Variants in EYA3 observed in about 807,000 individuals in gnomAD.
EYA3 encodes EYA transcriptional coactivator and phosphatase 3.
In EYA3, 39 loss-of-function variants were observed where a neutral mutation model predicts 80.0. The ratio of observed to expected loss-of-function variants is 0.49; its 90% CI spans 0.38 to 0.64. EYA3 has a LOEUF of 0.64. Among genes scored for constraint, EYA3 ranks in the 30% least tolerant of loss-of-function variants. The probability of loss-of-function intolerance (pLI) is 0.00; values close to 1 mark genes in which losing one functional copy is unlikely to be tolerated. For synonymous variants in EYA3, 206 were observed against 232.8 expected (o/e 0.88, Z 1.05); for missense variants, 523 against 676.1 (o/e 0.77, Z 2.51).
chr1:28,087,662 G>A (rs1645710011), intron 1 of EYA3, among the ~76,000 whole-genome samples: 1 of 152,120 alleles, frequency 6.6e-6, no homozygotes, highest in Non-Finnish European at 1.5e-5. Flanking sequence ...AGAGCTGAAC[G>A]TCCCAAAATA....
chr1:27,994,822 A>G (rs1212037318), intron 13 of EYA3, among the ~76,000 whole-genome samples: 1 of 151,894 alleles, frequency 6.6e-6, no homozygotes, highest in Non-Finnish European at 1.5e-5. Flanking sequence ...TTTTTTAATT[A>G]GTCAGGTATG....
rs576180617 is a variant in EYA3, at chr1:28,048,239, T to A, written c.77+144A>T. ...AAACTATTTGGAAAGGAAATTTTAA[T>A]CTTAAACCAAATAATTTCAAAATGT... is the stretch of plus-strand genomic sequence containing the variant. On this transcript the variant is annotated intron_variant, in intron 3 of 17. Coordinates refer to ENST00000373871, the MANE Select transcript of EYA3 (RefSeq NM_001990.4). The A allele has an allele frequency of 2.4e-5, 14 of 588,738 alleles. No individual in the cohort carries two copies. The East Asian group carries it at 3.7e-4, about 15-fold the overall frequency. 36.5% of individuals were successfully genotyped at this position (588,738 alleles called of 1,614,324 possible).
Position 27,988,771 on chromosome 1 carries a change from G to A in EYA3, c.1419-115C>T, listed in dbSNP as rs558018841. The stretch of plus-strand genomic sequence containing the variant: ...ATTAAAAATTAACTTTAAAGGACCT[G>A]GTATTATACTGTTCAGAGCCAATGT... On this transcript the variant is annotated intron_variant, in intron 15 of 17. Transcript: ENST00000373871. The A allele has an allele frequency of 5.2e-6, 6 of 1,158,584 alleles. No homozygotes were observed. The Admixed American group carries it at 1.3e-4, about 25-fold the overall frequency. The allele number at this position is 1,158,584 out of a possible 1,614,324, so 71.8% of individuals were successfully genotyped here. A position where few individuals can be genotyped will look rare whatever the true frequency, so the allele number is the denominator to read the frequency against.
intron 1 of EYA3, among the ~76,000 whole-genome samples, chr1:28,061,450 C>G (rs1326438299): frequency 1.3e-5 from 2 of 152,110 alleles, no homozygotes; most frequent in Non-Finnish European, 2.9e-5. Context: ...GCTATACAAT[C>G]AAAAGTCATA....
chr1:28,075,398 T>C (rs1226995371), intron 1 of EYA3, among the ~76,000 whole-genome samples: 1 of 152,236 alleles, frequency 6.6e-6, no homozygotes. Context: ...CAATAAACAC[T>C]GCAAGGGGAA....
intron 11 of EYA3, among the ~76,000 whole-genome samples, chr1:28,000,947 C>T (rs937145941): frequency 1.3e-5 from 2 of 152,028 alleles, no homozygotes; most frequent in African/African-American, 4.8e-5. Flanking sequence ...CACCTGCAGT[C>T]CCAGGTACTT....
At chr1:27,978,593 A>C (rs1639099807) in intron 16 of EYA3, 119 bp from the exon 17 acceptor site, 1 of 727,538 alleles carries the variant, frequency 1.4e-6, no homozygotes, top group East Asian at 2.6e-5. Context: ...CAGCCCATGT[A>C]GTTTGCTTGC....
chr1:28,038,857 G>T lies in EYA3; in HGVS notation c.206C>A (p.Ser69Ter). The stretch of plus-strand genomic sequence containing the variant: ...AACTTACTTTGCAGAATACATTTGT[G>T]AGGTATAATCATTGGATGAGCGAGG... ...YIPRSSNDYT[S>*]QMYSAKPYAH... The change falls in exon 5 of 18, where the codon TCA becomes TAA. Residue 69 changes from serine (S) to a stop codon, truncating the protein, a stop_gained. Transcript: ENST00000373871. LOFTEE classifies it high-confidence loss of function. 2 of 1,590,970 alleles carry T rather than the reference G, an allele frequency of 1.3e-6. No homozygotes were observed. Among genetic ancestry groups the T allele is most frequent in the Non-Finnish European group, 1.7e-6 (2 of 1,165,396 alleles).
chr1:27,988,703 T>G, intron 15 of EYA3, 47 bp from the exon 16 acceptor site: 1 of 1,598,328 alleles, frequency 6.3e-7, no homozygotes. Flanking sequence ...TAAACCAACC[T>G]GGGAGCAAGA....
intron 7 of EYA3, among the ~76,000 whole-genome samples, chr1:28,023,084 G>T (rs1375336810): frequency 1.2e-3 from 1 of 848 alleles, no homozygotes; most frequent in Non-Finnish European, 0.045. Flanking sequence ...GTGCTGGGTG[G>T]GGGGGGGGGG....
Position 27,988,526 on chromosome 1 carries a change from A to G in EYA3, c.1540+9T>C, listed in dbSNP as rs554848951. On this transcript the variant is annotated intron_variant, in intron 16 of 17. Coordinates refer to ENST00000373871, the MANE Select transcript of EYA3 (RefSeq NM_001990.4). ...AGGCCAGTGACAAGAAACAGCATAG[A>G]AACCATACCAATTTTGGTAGCACTA... The G allele has an allele frequency of 1.2e-6, 2 of 1,612,200 alleles. No individual in the cohort carries two copies. Among genetic ancestry groups the G allele is most frequent in the Middle Eastern group, 1.7e-4 (1 of 6,020 alleles).
chr1:28,075,255 T>C (rs1382809454), intron 1 of EYA3, among the ~76,000 whole-genome samples: 1 of 152,220 alleles, frequency 6.6e-6, no homozygotes, highest in African/African-American at 2.4e-5. Flanking sequence ...GCTTCTTAAA[T>C]TTCCTTATGA....
intron 2 of EYA3, among the ~76,000 whole-genome samples, chr1:28,052,982 C>T (rs1644309577): frequency 6.6e-6 from 1 of 151,072 alleles, no homozygotes; most frequent in Admixed American, 6.6e-5. Context: ...AGTAAGACCC[C>T]ATCTCGACAA....
chr1:28,077,104 CTTTTTT>C (rs377204823), intron 1 of EYA3, among the ~76,000 whole-genome samples: 1 of 114,084 alleles, frequency 8.8e-6, no homozygotes, highest in East Asian at 2.5e-4. Flanking sequence ...ACAAAACAAT[CTTTTTT>C]TTTTTTTTTT....
intron 14 of EYA3, among the ~76,000 whole-genome samples, chr1:27,992,234 C>A (rs975597881): frequency 6.6e-6 from 1 of 151,828 alleles, no homozygotes; most frequent in South Asian, 2.1e-4. Flanking sequence ...GCACCAGGGA[C>A]CAGTTTCGTA....
At chr1:28,035,758 C>G in intron 5 of EYA3, 78 bp from the exon 6 acceptor site, 2 of 1,350,980 alleles carry the variant, frequency 1.5e-6, no homozygotes, top group Non-Finnish European at 2.1e-6. Flanking sequence ...GCTACCACCA[C>G]TAACAGCAAA....
intron 1 of EYA3, among the ~76,000 whole-genome samples, chr1:28,060,505 T>C (rs1644581539): frequency 6.6e-6 from 1 of 152,202 alleles, no homozygotes; most frequent in Non-Finnish European, 1.5e-5. Context: ...AATATTAAAT[T>C]GATTTTATAA....
intron 17 of EYA3, among the ~76,000 whole-genome samples, chr1:27,976,081 T>C (rs867019970): frequency 6.6e-6 from 1 of 152,214 alleles, no homozygotes; most frequent in African/African-American, 2.4e-5. Flanking sequence ...TATACCCTAG[T>C]TGTTTTTCAA....
rs1440105933 is a variant in EYA3, at chr1:27,970,839, C to T, written c.*3627G>A. ...GAGGAGTAAGGAGTCAGAGGAAGACCCTAAGCTCACCATTCCTTGGCCCAG... is the reference window on the plus strand; with the variant it reads ...GAGGAGTAAGGAGTCAGAGGAAGACTCTAAGCTCACCATTCCTTGGCCCAG... On this transcript the variant is annotated 3_prime_UTR_variant, in exon 18 of 18. Transcript: ENST00000373871. 2.6e-5 allele frequency: 4 copies of T among 152,180 alleles called. No individual in the cohort carries two copies. Among genetic ancestry groups the T allele is most frequent in the African/African-American group, 9.7e-5 (4 of 41,432 alleles). The allele number at this position is 152,180 out of a possible 1,614,324, so 9.4% of individuals were successfully genotyped here.
Sources: gnomAD v4.1 joint callset for allele counts (sites outside exome capture counted in the v4.1 genomes callset) on GRCh38, gnomAD v4.1.1 for gene constraint, MANE v1.5 for transcripts, NCBI Gene and HGNC (gene_info 2026-07-23, HGNC 2026-07-21) for gene names.